The following BOC variants were observed in gnomAD, a reference collection of about 807,000 sequenced individuals.
BOC encodes brother of CDO.
BOC carries 76 observed loss-of-function variants against 112.0 expected under a neutral mutation model. The observed-to-expected ratio is 0.68, with a 90% CI of 0.56 to 0.82. The LOEUF is 0.82. Ranked by LOEUF, BOC falls within the 40% of genes least tolerant of loss-of-function variation. The pLI, the probability that BOC is intolerant of heterozygous loss-of-function variation, is 0.00. For missense variants in BOC, 1,309 were observed against 1,511.7 expected (o/e 0.87, Z 2.22); for synonymous variants, 580 against 599.8 (o/e 0.97, Z 0.48).
chr3:113,234,830 T>G (rs1943203394), intron 2 of BOC, among the ~76,000 whole-genome samples: 1 of 152,232 alleles, frequency 6.6e-6, no homozygotes, highest in Admixed American at 6.5e-5. Flanking sequence ...TTTGGATGAT[T>G]CGGGGGAAAT....
At position 113,273,221 on chromosome 3, in the gene BOC, T is replaced by C; in HGVS notation, c.1114T>C (p.Ser372Pro). The change falls in exon 8 of 20, where the codon TCC (serine) becomes CCC (proline). Residue 372 changes from serine to proline, a missense_variant. Coordinates refer to ENST00000682979, the MANE Select transcript of BOC (RefSeq NM_001378074.1). ...CATCTCCAGCCAGCGCCTCCGGCTC[T>C]CCCGCAGGGCCCTGCGCGTGCTCAG... ...PLISSQRLRL[S>P]RRALRVLSMG... 1 of 1,613,660 alleles carries C rather than the reference T, an allele frequency of 6.2e-7. No individual in the cohort carries two copies. The highest frequency in any genetic ancestry group is 1.3e-5 in the African/African-American group (1 of 75,042).
At chr3:113,220,388 T>C (rs1940373302) in intron 2 of BOC, among the ~76,000 whole-genome samples, 1 of 152,154 alleles carries the variant, frequency 6.6e-6, no homozygotes, top group South Asian at 2.1e-4. Context: ...GTTTAAGATA[T>C]AATTATGTGA....
intron 2 of BOC, among the ~76,000 whole-genome samples, chr3:113,243,605 G>A (rs1459814339): frequency 6.6e-6 from 1 of 152,156 alleles, no homozygotes; most frequent in South Asian, 2.1e-4. Flanking sequence ...GTAGGATTAG[G>A]GAAGTTTGGA....
rs1005743546 is a variant in BOC, at chr3:113,272,574, C to T, written c.832C>T (p.Arg278Cys). Residue 278 changes from arginine (R) to cysteine (C), a missense_variant, in exon 7 of 20, where the codon CGC becomes TGC. Transcript: ENST00000682979. ...GSSVTGYNKT[R>C]FLLSNLLIDT... The stretch of plus-strand genomic sequence containing the variant: ...CAGTGTCACCGGCTACAACAAGACG[C>T]GCTTCCTGCTGAGCAACCTCCTCAT... 1.9e-5 allele frequency: 30 copies of T among 1,613,920 alleles called. No individual in the cohort carries two copies. Among genetic ancestry groups the T allele is most frequent in the South Asian group, 4.4e-5 (4 of 91,074 alleles).
At chr3:113,236,224 G>A (rs911466492) in intron 2 of BOC, among the ~76,000 whole-genome samples, 3 of 83,028 alleles carry the variant, frequency 3.6e-5, no homozygotes, top group Admixed American at 2.4e-4. Flanking sequence ...GTGTATATAC[G>A]TATATGTGTG....
chr3:113,250,604 C>G lies in BOC; in HGVS notation c.147C>G (p.Pro49=), dbSNP rs528530701. The G allele has an allele frequency of 9.9e-6, 16 of 1,614,132 alleles. No homozygotes were observed. In the Admixed American group the frequency reaches 2.7e-4, roughly 27 times the overall value. The change falls in exon 4 of 20, where the codon CCC becomes CCG. Residue 49 remains proline (P), a synonymous_variant. Coordinates refer to ENST00000682979, the MANE Select transcript of BOC (RefSeq NM_001378074.1). ...AGCCTGCGTCCACCGTCCAGAAGCC[C>G]GGAGGCACTGTGATCTTGGGCTGCG... is the stretch of plus-strand genomic sequence containing the variant. ...TVQPASTVQK[P]GGTVILGCVV...
Position 113,271,576 on chromosome 3 carries a change from C to T in BOC, c.667+632C>T, listed in dbSNP as rs185363934. The T allele has an allele frequency of 4.0e-5, 8 of 200,022 alleles. No homozygotes were observed. In the Admixed American group the frequency reaches 4.2e-4, roughly 11 times the overall value. The allele number at this position is 200,022 out of a possible 1,614,324, so 12.4% of individuals were successfully genotyped here. ...GAAGCTAATGAAGTTAAACTTCCATCGTCTTTCACTCACTGACAGAAGCCT... is the reference window on the plus strand; with the variant it reads ...GAAGCTAATGAAGTTAAACTTCCATTGTCTTTCACTCACTGACAGAAGCCT... On this transcript the variant is annotated intron_variant, in intron 6 of 19. Transcript: ENST00000682979.
intron 4 of BOC, among the ~76,000 whole-genome samples, chr3:113,264,850 G>A (rs1267659900): frequency 6.6e-6 from 1 of 152,200 alleles, no homozygotes; most frequent in African/African-American, 2.4e-5. Flanking sequence ...GAGGGACAGG[G>A]CCAAGGACCG....
At chr3:113,279,569 A>T in intron 12 of BOC, 114 bp downstream of exon 12, 1 of 1,033,298 alleles carries the variant, frequency 9.7e-7, no homozygotes, top group Non-Finnish European at 1.4e-6. Context: ...CCCACCCACC[A>T]GCATGCCTCC....
Position 113,278,551 on chromosome 3 carries a change from C to T in BOC, c.1706-122C>T, listed in dbSNP as rs558769151. The stretch of plus-strand genomic sequence containing the variant: ...GGCTGAGCCCACACCCTCAGTGCCC[C>T]GGATGCTTATTTGCATCACTTTGTC... On this transcript the variant is annotated intron_variant, in intron 10 of 19. Coordinates refer to ENST00000682979, the MANE Select transcript of BOC (RefSeq NM_001378074.1). This position sits in a 1 kb window ranked among gnomAD's most constrained non-coding sequence, Gnocchi z 4.2. 59 of 899,622 alleles carry T rather than the reference C, an allele frequency of 6.6e-5. No homozygotes were observed. The highest frequency in any genetic ancestry group is 5.3e-4 in the East Asian group (20 of 37,664). 55.7% of individuals were successfully genotyped at this position (899,622 alleles called of 1,614,324 possible).
At position 113,211,757 on chromosome 3, in the gene BOC, A is replaced by ACGCGCACACACGG. The variant is rs1158589797; in HGVS notation, c.-419_-407dup. On this transcript the variant is annotated 5_prime_UTR_variant, in exon 1 of 20. Coordinates refer to ENST00000682979, the MANE Select transcript of BOC (RefSeq NM_001378074.1). ...ACAAACACACACAGAAAAGACACAC[A>ACGCGCACACACGG]CGCGCACACACGGCGCGCACACCCT... The ACGCGCACACACGG allele has an allele frequency of 6.6e-6, 1 of 152,024 alleles. No individual in the cohort carries two copies. Among genetic ancestry groups the ACGCGCACACACGG allele is most frequent in the Non-Finnish European group, 1.5e-5 (1 of 68,226 alleles). The allele number at this position is 152,024 out of a possible 1,614,324, so 9.4% of individuals were successfully genotyped here.
intron 18 of BOC, 68 bp from the exon 19 acceptor site, chr3:113,285,304 G>GC (rs1949570875): frequency 6.7e-7 from 1 of 1,502,120 alleles, no homozygotes; most frequent in South Asian, 1.2e-5. Context: ...GAGACAGCCA[G>GC]CAGGGGGATG....
intron 9 of BOC, among the ~76,000 whole-genome samples, chr3:113,276,067 A>AG (rs1386462588): frequency 6.6e-6 from 1 of 152,232 alleles, no homozygotes; most frequent in African/African-American, 2.4e-5. Flanking sequence ...CACATGTTGT[A>AG]GGGCAGGGCT....
intron 1 of BOC, among the ~76,000 whole-genome samples, chr3:113,213,714 G>A (rs1419480067): frequency 6.6e-6 from 1 of 152,216 alleles, no homozygotes; most frequent in African/African-American, 2.4e-5. Context: ...AGACCCAGAA[G>A]CTTCTCGTGG....
intron 18 of BOC, 80 bp downstream of exon 18, chr3:113,284,938 C>G (rs1949529816): frequency 1.5e-6 from 2 of 1,307,998 alleles, no homozygotes; most frequent in East Asian, 4.6e-5. Flanking sequence ...AGGCCTGTCA[C>G]TGAGAGCCAA....
At chr3:113,263,686 G>A (rs960896256) in intron 4 of BOC, among the ~76,000 whole-genome samples, 2 of 152,200 alleles carry the variant, frequency 1.3e-5, no homozygotes, top group African/African-American at 2.4e-5. Flanking sequence ...TTATGAGAAT[G>A]CATGAACATA....
chr3:113,239,650 A>G (rs1944031280), intron 2 of BOC, among the ~76,000 whole-genome samples: 1 of 152,150 alleles, frequency 6.6e-6, no homozygotes, highest in African/African-American at 2.4e-5. Flanking sequence ...CGGGCTTGTC[A>G]CCAGGTTCAG....
rs1350538727 is a variant in BOC, at chr3:113,250,526, T to C, written c.98-29T>C. 1.9e-6 allele frequency: 3 copies of C among 1,583,774 alleles called. No individual in the cohort carries two copies. In the Admixed American group the frequency reaches 5.3e-5, roughly 28 times the overall value. On this transcript the variant is annotated intron_variant, in intron 3 of 19. Coordinates refer to ENST00000682979, the MANE Select transcript of BOC (RefSeq NM_001378074.1). ...ATGTTGTTTTCTTGGGGGCATCAGT[T>C]CATTGCTGCATCCCTGTTCTTCCTC...
chr3:113,277,446 A>C (rs1442562919), intron 9 of BOC, among the ~76,000 whole-genome samples: 1 of 152,220 alleles, frequency 6.6e-6, no homozygotes, highest in Non-Finnish European at 1.5e-5. Context: ...AATGATGGGC[A>C]TGCTCTTTGG....
Sources: gnomAD v4.1 joint callset for allele counts (sites outside exome capture counted in the v4.1 genomes callset) on GRCh38, gnomAD v4.1.1 for gene constraint, Gnocchi (gnomAD v3.1) non-coding constraint, MANE v1.5 for transcripts, NCBI Gene and HGNC (gene_info 2026-07-23, HGNC 2026-07-21) for gene names.